Variants in SORL1 observed in about 807,000 individuals in gnomAD.
SORL1 encodes the protein sortilin related receptor 1.
SORL1 carries 127 observed loss-of-function variants against 273.7 expected under a neutral mutation model. The observed-to-expected ratio is 0.46, with a 90% CI of 0.40 to 0.54. The LOEUF is 0.54. Ranked by LOEUF, SORL1 falls within the 20% of genes least tolerant of loss-of-function variation. The pLI is 0.00. For missense variants in SORL1, 2,494 were observed against 2,846.1 expected (o/e 0.88, Z 2.81); for synonymous variants, 1,031 against 1,067.4 (o/e 0.97, Z 0.66).
chr11:121,606,773 T>C, intron 35 of SORL1, 72 bp from the exon 36 acceptor site: 1 of 1,004,202 alleles, frequency 1.0e-6, no homozygotes, highest in Non-Finnish European at 1.6e-6. Flanking sequence ...GTCCTTGTTC[T>C]AAGCCCAGGA....
At chr11:121,622,847 AC>A (rs1415583103) in intron 45 of SORL1, among the ~76,000 whole-genome samples, 1 of 152,190 alleles carries the variant, frequency 6.6e-6, no homozygotes, top group Non-Finnish European at 1.5e-5. Context: ...TAGATTTACC[AC>A]CCAAGGGTGG....
chr11:121,626,766 C>A (rs1045960766), intron 46 of SORL1: 1 of 152,196 alleles, frequency 6.6e-6, no homozygotes, highest in Non-Finnish European at 1.5e-5. Flanking sequence ...TTCAGACTTA[C>A]CCTGGGATTT....
At chr11:121,519,248 G>A (rs954399032) in intron 8 of SORL1, among the ~76,000 whole-genome samples, 2 of 151,812 alleles carry the variant, frequency 1.3e-5, no homozygotes, top group Non-Finnish European at 2.9e-5. Flanking sequence ...GCCCGGCCAA[G>A]CTTCCAGTCT....
chr11:121,588,156 G>A lies in SORL1; in HGVS notation c.3946+5G>A. ...ATGCGGCGTTTGCAGGATGCTGTGAGTTGGGGCAGGCAGGGGAGGTGACTC... is the reference window on the plus strand; with the variant it reads ...ATGCGGCGTTTGCAGGATGCTGTGAATTGGGGCAGGCAGGGGAGGTGACTC... On this transcript the variant is annotated splice_donor_5th_base_variant and intron_variant, in intron 28 of 47. Transcript: ENST00000260197. 1 of 1,612,808 alleles carries A rather than the reference G, an allele frequency of 6.2e-7. No homozygotes were observed. Among genetic ancestry groups the A allele is most frequent in the Non-Finnish European group, 8.5e-7 (1 of 1,179,230 alleles).
intron 38 of SORL1, chr11:121,609,917 G>A (rs1565353497): frequency 6.6e-6 from 1 of 152,224 alleles, no homozygotes; most frequent in Non-Finnish European, 1.5e-5. Flanking sequence ...GGAGTGGATT[G>A]TGACTTGTCC....
intron 12 of SORL1, 24 bp from the exon 13 acceptor site, chr11:121,543,524 A>T (rs781179319): frequency 6.3e-7 from 1 of 1,589,728 alleles, no homozygotes; most frequent in South Asian, 1.1e-5. Flanking sequence ...CACTGCAAGG[A>T]TTCTCTTACT....
chr11:121,536,427 GTTTT>G, intron 12 of SORL1, among the ~76,000 whole-genome samples: 1 of 128,638 alleles, frequency 7.8e-6, no homozygotes, highest in East Asian at 2.2e-4. Context: ...TTATCACTGT[GTTTT>G]TTTTTTTTTT....
At chr11:121,544,627 GAC>G (rs1200062031) in intron 13 of SORL1, among the ~76,000 whole-genome samples, 2 of 152,184 alleles carry the variant, frequency 1.3e-5, no homozygotes, top group Non-Finnish European at 2.9e-5. Flanking sequence ...TCTGACTGAA[GAC>G]ACATATATAA....
rs1862058608 is a variant in SORL1, at chr11:121,522,690, C to T, written c.1509C>T (p.Leu503=). ...PILSKESAPG[L]IIATGSVGKN... ...TGTCCAAGGAGTCGGCTCCAGGCCT[C>T]ATCATCGCCACTGGTAAGTGTGCTT... The change falls in exon 10 of 48, where the codon CTC becomes CTT. Residue 503 remains leucine, a synonymous_variant. Coordinates refer to ENST00000260197, the MANE Select transcript of SORL1 (RefSeq NM_003105.6). 2.5e-6 allele frequency: 4 copies of T among 1,613,088 alleles called. No homozygotes were observed. The East Asian group carries it at 6.7e-5, about 27-fold the overall frequency.
chr11:121,491,697 C>T (rs147123200), intron 5 of SORL1, among the ~76,000 whole-genome samples: 3 of 152,360 alleles, frequency 2.0e-5, no homozygotes, highest in Non-Finnish European at 4.4e-5. Context: ...ATCTTCTACT[C>T]AGGTACCACT....
At position 121,629,690 on chromosome 11, in the gene SORL1, AC is replaced by A. The variant is rs1210673517; in HGVS notation, c.*128del. 432 of 585,690 alleles carry A rather than the reference AC, an allele frequency of 7.4e-4. No individual in the cohort carries two copies. The highest frequency in any genetic ancestry group is 1.9e-3 in the South Asian group (88 of 46,480). The allele number at this position is 585,690 out of a possible 1,614,324, so 36.3% of individuals were successfully genotyped here. A position where few individuals can be genotyped will look rare whatever the true frequency, so the allele number is the denominator to read the frequency against. ...TTTTTATATGGGCCAAAAACAAAAA[AC>A]AAAAAAAAAAAAAAGGAAAGAAAGG... On this transcript the variant is annotated 3_prime_UTR_variant, in exon 48 of 48. Coordinates refer to ENST00000260197, the MANE Select transcript of SORL1 (RefSeq NM_003105.6).
chr11:121,482,932 A>T (rs949469143), intron 3 of SORL1, among the ~76,000 whole-genome samples: 4 of 152,112 alleles, frequency 2.6e-5, no homozygotes, highest in Admixed American at 6.5e-5. Context: ...TTTTGGGTCT[A>T]TTTCTGCATT....
chr11:121,622,346 T>A, intron 45 of SORL1, 78 bp downstream of exon 45: 1 of 769,330 alleles, frequency 1.3e-6, no homozygotes, highest in Non-Finnish European at 2.2e-6. Context: ...GTTGACAGCA[T>A]GCTGGCATAG....
chr11:121,465,335 A>C (rs2134774926), intron 1 of SORL1, among the ~76,000 whole-genome samples: 1 of 152,318 alleles, frequency 6.6e-6, no homozygotes, highest in Admixed American at 6.5e-5. Context: ...GCCACATTGT[A>C]GCATATATCA....
At chr11:121,486,128 T>A (rs557320753) in intron 3 of SORL1, among the ~76,000 whole-genome samples, 97 of 152,296 alleles carry the variant, frequency 6.4e-4, no homozygotes, top group African/African-American at 2.3e-3. Context: ...AAAGTGTCCT[T>A]GGGCTTATCC....
At chr11:121,515,577 G>A (rs1394163519) in intron 8 of SORL1, among the ~76,000 whole-genome samples, 1 of 152,198 alleles carries the variant, frequency 6.6e-6, no homozygotes, top group Non-Finnish European at 1.5e-5. Flanking sequence ...CAGGACCTAA[G>A]AGAGCAGGGC....
At chr11:121,611,275 C>T (rs374667405) in intron 39 of SORL1, 117 bp downstream of exon 39, 24 of 693,944 alleles carry the variant, frequency 3.5e-5, no homozygotes, top group African/African-American at 3.2e-4. Context: ...AAAAAACGAA[C>T]GGCTAGATCT....
intron 26 of SORL1, among the ~76,000 whole-genome samples, chr11:121,585,494 T>C (rs980675321): frequency 1.8e-4 from 21 of 115,746 alleles, no homozygotes; most frequent in Non-Finnish European, 3.3e-4. Context: ...AAAAAAAAAA[T>C]GTATATACAC....
chr11:121,487,330 TC>T (rs1293238867), intron 3 of SORL1, among the ~76,000 whole-genome samples: 1 of 152,194 alleles, frequency 6.6e-6, no homozygotes, highest in Non-Finnish European at 1.5e-5. Context: ...TGGATCCTTC[TC>T]CCCAGGGAAT....
Sources: gnomAD v4.1 joint callset for allele counts (sites outside exome capture counted in the v4.1 genomes callset) on GRCh38, gnomAD v4.1.1 for gene constraint, MANE v1.5 for transcripts, NCBI Gene and HGNC (gene_info 2026-07-23, HGNC 2026-07-21) for gene names.